Variants in FBXL17 observed in about 807,000 individuals in gnomAD.
FBXL17 encodes F-box/LRR-repeat protein 17.
Under a neutral mutation model 66.2 loss-of-function variants are expected in FBXL17, and 22 were observed. The ratio of observed to expected loss-of-function variants is 0.33; its 90% CI spans 0.24 to 0.47. The LOEUF (loss-of-function observed/expected upper bound fraction) is 0.47. Ranked by LOEUF, FBXL17 falls within the 20% of genes least tolerant of loss-of-function variation. FBXL17 has a pLI of 1.00. For synonymous variants in FBXL17, 474 were observed against 400.5 expected, an observed-to-expected ratio of 1.18 and a Z score of -2.19; for missense variants, 878 against 948.2, an observed-to-expected ratio of 0.93 and a Z score of 0.97.
chr5:108,065,191 G>T (rs1276649380), intron 6 of FBXL17, among the ~76,000 whole-genome samples: 1 of 152,104 alleles, frequency 6.6e-6, no homozygotes, highest in Non-Finnish European at 1.5e-5. Flanking sequence ...ATGTACATAT[G>T]TATGTATATA....
At chr5:108,018,617 A>C (rs985242982) in intron 7 of FBXL17, among the ~76,000 whole-genome samples, 1 of 152,204 alleles carries the variant, frequency 6.6e-6, no homozygotes. Flanking sequence ...AGATGCAAAA[A>C]CTTTCACCAT....
chr5:107,962,067 C>T lies in FBXL17; in HGVS notation c.1822+58858G>A, dbSNP rs535695051. ...TTAAATATACTTCTATTGTATAGTT[C>T]TTTGAAAGGAAGAACCATTTTAAGA... On this transcript the variant is annotated intron_variant, in intron 7 of 8. Coordinates refer to ENST00000542267, the MANE Select transcript of FBXL17 (RefSeq NM_001163315.3). Among the ~76,000 whole-genome samples, 410 of 152,074 alleles carry T rather than the reference C, an allele frequency of 2.7e-3. 1 individual carries two copies. Among genetic ancestry groups the T allele is most frequent in the Middle Eastern group, 6.8e-3 (2 of 294 alleles).
chr5:108,374,536 T>C (rs1030864558), intron 1 of FBXL17, among the ~76,000 whole-genome samples: 1 of 152,032 alleles, frequency 6.6e-6, no homozygotes, highest in African/African-American at 2.4e-5. Context: ...TAGCCGGGCG[T>C]GGTGGCATGT....
At chr5:108,348,282 A>T (rs1484419045) in intron 4 of FBXL17, 117 bp downstream of exon 4, 4 of 894,916 alleles carry the variant, frequency 4.5e-6, no homozygotes, top group Non-Finnish European at 4.9e-6. Flanking sequence ...TTTGCTTTTG[A>T]TTAAGTAGTA....
intron 4 of FBXL17, among the ~76,000 whole-genome samples, chr5:108,332,012 T>C (rs1231035742): frequency 6.6e-6 from 1 of 152,130 alleles, no homozygotes; most frequent in Non-Finnish European, 1.5e-5. Context: ...CAAAATGACC[T>C]CCTTAGAAAC....
At chr5:107,957,527 CAG>C (rs1428189414) in intron 7 of FBXL17, among the ~76,000 whole-genome samples, 1 of 152,072 alleles carries the variant, frequency 6.6e-6, no homozygotes, top group Non-Finnish European at 1.5e-5. Flanking sequence ...TGTTAGTGAA[CAG>C]AGAGTTGACA....
intron 7 of FBXL17, among the ~76,000 whole-genome samples, chr5:108,002,649 A>G (rs1468909603): frequency 6.6e-6 from 1 of 152,168 alleles, no homozygotes; most frequent in Non-Finnish European, 1.5e-5. Flanking sequence ...AACTGGTGAA[A>G]GGATAAAAAA....
intron 7 of FBXL17, among the ~76,000 whole-genome samples, chr5:107,891,419 A>G (rs1305815857): frequency 6.6e-6 from 1 of 152,206 alleles, no homozygotes; most frequent in Non-Finnish European, 1.5e-5. Flanking sequence ...GAATTGCTCC[A>G]GCTTCTGGGT....
At chr5:108,127,595 T>C (rs1280748194) in intron 6 of FBXL17, among the ~76,000 whole-genome samples, 1 of 152,080 alleles carries the variant, frequency 6.6e-6, no homozygotes, top group Non-Finnish European at 1.5e-5. Flanking sequence ...GCTTAGGACA[T>C]GGAAGGAGCT....
At chr5:108,077,340 G>T (rs1748591422) in intron 6 of FBXL17, among the ~76,000 whole-genome samples, 1 of 152,166 alleles carries the variant, frequency 6.6e-6, no homozygotes, top group Non-Finnish European at 1.5e-5. Flanking sequence ...TGGTAGAAAT[G>T]GGGGGCTGGA....
chr5:108,225,225 T>C (rs1755051300), intron 4 of FBXL17, among the ~76,000 whole-genome samples: 1 of 152,212 alleles, frequency 6.6e-6, no homozygotes, highest in African/African-American at 2.4e-5. Context: ...GGTTCATCCA[T>C]GTTGTAATAT....
chr5:108,199,732 T>C (rs554742163), intron 5 of FBXL17, among the ~76,000 whole-genome samples: 4 of 152,300 alleles, frequency 2.6e-5, no homozygotes, highest in African/African-American at 4.8e-5. Context: ...TCATTTCTAT[T>C]GTCTTAAATG....
Position 107,860,193 on chromosome 5 carries a change from C to G in FBXL17, c.*1527G>C, listed in dbSNP as rs921487507. Reference sequence around the variant, plus strand: ...AAATGTAAAGCTATCTTGTTTCTTACAGCTAATGTCATGTTAGCAATGTGA... The same window carrying G: ...AAATGTAAAGCTATCTTGTTTCTTAGAGCTAATGTCATGTTAGCAATGTGA... On this transcript the variant is annotated 3_prime_UTR_variant, in exon 9 of 9. Transcript: ENST00000542267. The G allele has an allele frequency of 5.2e-5, 8 of 152,540 alleles. No homozygotes were observed. The highest frequency in any genetic ancestry group is 2.1e-4 in the South Asian group (1 of 4,828). 9.4% of individuals were successfully genotyped at this position (152,540 alleles called of 1,614,324 possible).
chr5:108,121,713 C>G (rs570828880), intron 6 of FBXL17, among the ~76,000 whole-genome samples: 2 of 152,036 alleles, frequency 1.3e-5, no homozygotes, highest in African/African-American at 4.8e-5. Flanking sequence ...CCCGCCACCA[C>G]GCCTGGCTAA....
At chr5:107,891,686 A>G (rs1434916113) in intron 7 of FBXL17, among the ~76,000 whole-genome samples, 1 of 152,114 alleles carries the variant, frequency 6.6e-6, no homozygotes, top group Non-Finnish European at 1.5e-5. Context: ...TTTTGAAGGA[A>G]TTTCTTACAT....
chr5:108,035,449 C>T (rs1746804856), intron 6 of FBXL17, among the ~76,000 whole-genome samples: 1 of 152,208 alleles, frequency 6.6e-6, no homozygotes, highest in Non-Finnish European at 1.5e-5. Context: ...TCACTGCAAC[C>T]TCTGCCTCCC....
chr5:108,359,915 CT>C, intron 3 of FBXL17, among the ~76,000 whole-genome samples: 2 of 152,196 alleles, frequency 1.3e-5, no homozygotes, highest in East Asian at 3.9e-4. Context: ...TAATGTACAA[CT>C]GTCTATTCCT....
At chr5:108,331,276 A>G (rs1760111677) in intron 4 of FBXL17, among the ~76,000 whole-genome samples, 1 of 152,200 alleles carries the variant, frequency 6.6e-6, no homozygotes, top group Non-Finnish European at 1.5e-5. Flanking sequence ...ATTAGTATGA[A>G]GGCAGATATG....
intron 6 of FBXL17, among the ~76,000 whole-genome samples, chr5:108,034,530 C>CT (rs756263947): frequency 4.6e-4 from 69 of 151,490 alleles, no homozygotes; most frequent in Middle Eastern, 6.8e-3. Context: ...AAAGGAATTT[C>CT]TTTTTTTTTA....
Sources: allele counts gnomAD v4.1 joint callset (sites outside exome capture counted in the v4.1 genomes callset), GRCh38; gene constraint gnomAD v4.1.1; transcripts MANE v1.5; gene names NCBI Gene and HGNC (gene_info 2026-07-23, HGNC 2026-07-21).